The following SETD2 variants were observed in gnomAD, a reference collection of about 807,000 sequenced individuals.
The protein encoded by SETD2 is SET domain containing 2, histone lysine methyltransferase, also known as histone-lysine N-methyltransferase SETD2.
A neutral mutation model predicts 242.1 loss-of-function variants in SETD2; 31 were observed. The observed-to-expected ratio is 0.13, with a 90% confidence interval of 0.10 to 0.17. SETD2 has a LOEUF of 0.17. Among genes scored for constraint, SETD2 ranks in the 10% least tolerant of loss-of-function variants. The probability of loss-of-function intolerance (pLI) is 1.00; values close to 1 mark genes in which losing one functional copy is unlikely to be tolerated. For missense variants in SETD2, 2,481 were observed against 3,046.3 expected, an observed-to-expected ratio of 0.81 and a Z score of 4.37; for synonymous variants, 1,006 against 1,066.5, an observed-to-expected ratio of 0.94 and a Z score of 1.11.
At chr3:47,033,231 C>T (rs2038854999) in intron 18 of SETD2, among the ~76,000 whole-genome samples, 1 of 152,210 alleles carries the variant, frequency 6.6e-6, no homozygotes, top group African/African-American at 2.4e-5. Flanking sequence ...CCTTCCCTGC[C>T]TTTGCTCCAG....
At chr3:47,067,749 T>C (rs2107602248) in intron 12 of SETD2, among the ~76,000 whole-genome samples, 1 of 152,220 alleles carries the variant, frequency 6.6e-6, no homozygotes, top group Middle Eastern at 3.4e-3. Context: ...CATCTCTACT[T>C]AGAGAAAGAA....
At chr3:47,023,660 GA>G (rs561285937) in intron 18 of SETD2, among the ~76,000 whole-genome samples, 3 of 151,180 alleles carry the variant, frequency 2.0e-5, no homozygotes, top group South Asian at 2.1e-4. Flanking sequence ...AGAAAATATT[GA>G]AAAAAAATAC....
At chr3:47,019,862 C>T (rs755136625) in intron 18 of SETD2, 22 bp from the exon 19 acceptor site, 15 of 1,604,686 alleles carry the variant, frequency 9.3e-6, no homozygotes, top group Non-Finnish European at 1.3e-5. Context: ...GGAGAAAACA[C>T]AGTGGTGCTG....
At chr3:47,159,885 G>C (rs532993283) in intron 1 of SETD2, among the ~76,000 whole-genome samples, 1 of 151,404 alleles carries the variant, frequency 6.6e-6, no homozygotes, top group South Asian at 2.1e-4. Flanking sequence ...TGAAGCAGGA[G>C]AATCGCTTAA....
intron 4 of SETD2, among the ~76,000 whole-genome samples, chr3:47,114,933 T>C (rs536947626): frequency 1.3e-5 from 2 of 150,890 alleles, no homozygotes; most frequent in Non-Finnish European, 3.0e-5. Context: ...TTGAATATAT[T>C]ATTATTTATT....
rs2106727284 is a variant in SETD2, at chr3:47,124,403, C to G, written c.233G>C (p.Ser78Thr). 1 of 1,552,002 alleles carries G rather than the reference C, an allele frequency of 6.4e-7. No homozygotes were observed. The highest frequency in any genetic ancestry group is 8.7e-7 in the Non-Finnish European group (1 of 1,147,074). The part of the protein sequence containing the change: ...QGRQKVSFSF[S>T]LTKKTLQNRF... ...ATTCTGCAAAGTTTTCTTTGTAAGG[C>G]TGAAGCTGAATGACACCTTCTGTCG... Residue 78 changes from serine to threonine, a missense_variant, in exon 3 of 21, where the codon AGC becomes ACC. Around this residue, in one of 17 missense-constraint regions of SETD2, gnomAD observed 334 missense variants for 374.5 expected, o/e 0.89. Coordinates refer to ENST00000409792, the MANE Select transcript of SETD2 (RefSeq NM_014159.7).
At chr3:47,146,802 C>A (rs1307266478) in intron 1 of SETD2, among the ~76,000 whole-genome samples, 1 of 151,462 alleles carries the variant, frequency 6.6e-6, no homozygotes, top group Non-Finnish European at 1.5e-5. Flanking sequence ...TCCAGGTATA[C>A]TGGCGTTTGC....
At chr3:47,095,755 GAA>G (rs781672779) in intron 9 of SETD2, among the ~76,000 whole-genome samples, 1 of 125,270 alleles carries the variant, frequency 8.0e-6, no homozygotes. Context: ...GTTACATGAT[GAA>G]AAAAAAAAAG....
chr3:47,081,642 C>T (rs937507017), intron 12 of SETD2, among the ~76,000 whole-genome samples: 2 of 152,102 alleles, frequency 1.3e-5, no homozygotes, highest in African/African-American at 4.8e-5. Flanking sequence ...TGGTTAAATG[C>T]TATCTATGTT....
At chr3:47,098,256 T>A in intron 8 of SETD2, 175 bp from the exon 9 acceptor site, 1 of 447,918 alleles carries the variant, frequency 2.2e-6, no homozygotes, top group Non-Finnish European at 3.8e-6. Context: ...AAACTGCTCT[T>A]TAAAAATATT....
At chr3:47,064,803 TA>T (rs1472404424) in intron 13 of SETD2, among the ~76,000 whole-genome samples, 2 of 147,722 alleles carry the variant, frequency 1.4e-5, no homozygotes, top group Admixed American at 6.8e-5. Flanking sequence ...ATATAATATA[TA>T]AAAATATAAA....
intron 18 of SETD2, among the ~76,000 whole-genome samples, chr3:47,020,816 TG>T (rs1200953743): frequency 6.6e-6 from 1 of 152,196 alleles, no homozygotes; most frequent in African/African-American, 2.4e-5. Flanking sequence ...ACCCATCTCC[TG>T]GTTCTGCTTC....
chr3:47,073,877 T>A (rs2040935914), intron 12 of SETD2, among the ~76,000 whole-genome samples: 1 of 152,226 alleles, frequency 6.6e-6, no homozygotes, highest in East Asian at 1.9e-4. Flanking sequence ...CTTACGTATA[T>A]ACACTGCCAA....
chr3:47,145,958 G>A (rs1010263828), intron 1 of SETD2, among the ~76,000 whole-genome samples: 2 of 138,074 alleles, frequency 1.4e-5, no homozygotes, highest in South Asian at 2.4e-4. Flanking sequence ...TAAGGCTACA[G>A]TGAGCTATGA....
At chr3:47,093,337 G>A (rs2041879888) in intron 9 of SETD2, among the ~76,000 whole-genome samples, 1 of 146,534 alleles carries the variant, frequency 6.8e-6, no homozygotes, top group African/African-American at 2.6e-5. Flanking sequence ...AGGTAGGAGT[G>A]CAGTGGCATC....
At chr3:47,132,419 G>A (rs2043500341) in intron 1 of SETD2, among the ~76,000 whole-genome samples, 1 of 152,066 alleles carries the variant, frequency 6.6e-6, no homozygotes, top group Non-Finnish European at 1.5e-5. Context: ...CCCAGGAGGT[G>A]GAAGTTACAG....
rs758691030 is a variant in SETD2 at position 47,106,164 on chromosome 3, A to G, written c.4716-44T>C. ...AAAATAGCACTTCCTACCTAGGAGC[A>G]GTAGGGAAAACATATATGCTCAGGC... On this transcript the variant is annotated intron_variant, in intron 5 of 20. Transcript: ENST00000409792. The G allele has an allele frequency of 5.1e-6, 8 of 1,581,172 alleles. 1 individual carries two copies. In the South Asian group the frequency reaches 9.0e-5, roughly 18 times the overall value.
At chr3:47,090,386 T>C (rs909850191) in intron 9 of SETD2, among the ~76,000 whole-genome samples, 2 of 152,078 alleles carry the variant, frequency 1.3e-5, no homozygotes, top group African/African-American at 4.8e-5. Context: ...TGGATTATTA[T>C]TTTTTTATTT....
intron 1 of SETD2, among the ~76,000 whole-genome samples, chr3:47,138,704 A>C (rs1453083187): frequency 2.6e-5 from 4 of 151,880 alleles, no homozygotes; most frequent in Non-Finnish European, 5.9e-5. Context: ...TACAGGCGTG[A>C]GCCACCGCGC....
Sources: allele counts gnomAD v4.1 joint callset (sites outside exome capture counted in the v4.1 genomes callset), GRCh38; gene constraint gnomAD v4.1.1; regional missense constraint gnomAD v4.1.1; transcripts MANE v1.5; gene names NCBI Gene and HGNC (gene_info 2026-07-23, HGNC 2026-07-21).